Variants in GBF1 observed in about 807,000 individuals in gnomAD.
The protein encoded by GBF1 is golgi brefeldin A resistant guanine nucleotide exchange factor 1.
A neutral mutation model predicts 210.5 loss-of-function variants in GBF1; 114 were observed. That is an observed-to-expected ratio of 0.54 (90% confidence interval 0.47 to 0.63). The LOEUF is 0.63. GBF1 is among the 30% of genes least tolerant of loss of function. The pLI is 0.00. For missense variants in GBF1, 1,851 were observed against 2,357.7 expected, an observed-to-expected ratio of 0.79 and a Z score of 4.45; for synonymous variants, 850 against 889.2, an observed-to-expected ratio of 0.96 and a Z score of 0.78.
chr10:102,306,206 C>T (rs374486684), intron 3 of GBF1, among the ~76,000 whole-genome samples: 59 of 152,252 alleles, frequency 3.9e-4, no homozygotes, highest in African/African-American at 1.2e-3. Flanking sequence ...ACAAATGAGA[C>T]GGGAAATGAG....
Position 102,352,463 on chromosome 10 carries a change from T to C in GBF1, c.529T>C (p.Leu177=). The C allele has an allele frequency of 6.2e-7, 1 of 1,607,228 alleles. No individual in the cohort carries two copies. The highest frequency in any genetic ancestry group is 8.5e-7 in the Non-Finnish European group (1 of 1,173,644). ...ATTTGTTTTTGCCTGTGCAGAGTTA[T>C]TGAGAAAATCCGCAGAGCACACTCT... ...ICFEMRLSEL[L]RKSAEHTLVD... Residue 177 remains leucine, a synonymous_variant, in exon 7 of 40, where the codon TTG becomes CTG. Transcript: ENST00000369983.
chr10:102,278,249 A>G (rs2075168450), intron 3 of GBF1, among the ~76,000 whole-genome samples: 1 of 151,946 alleles, frequency 6.6e-6, no homozygotes, highest in African/African-American at 2.4e-5. Context: ...TTAAGAAAAC[A>G]AACAAAAAAA....
chr10:102,246,190 G>A (rs187747471), intron 1 of GBF1, among the ~76,000 whole-genome samples: 30 of 152,296 alleles, frequency 2.0e-4, no homozygotes, highest in African/African-American at 7.0e-4. Context: ...TCTAGATTCT[G>A]TACAGCGTCT....
At chr10:102,361,255 G>T (rs1370274318) in intron 13 of GBF1, 135 bp downstream of exon 13, 1 of 647,120 alleles carries the variant, frequency 1.5e-6, no homozygotes, top group Non-Finnish European at 2.8e-6. Flanking sequence ...TTAGCCTCCA[G>T]AGTTCGGTTC....
chr10:102,274,237 C>T (rs1240688566), intron 3 of GBF1, among the ~76,000 whole-genome samples: 1 of 152,076 alleles, frequency 6.6e-6, no homozygotes, highest in Non-Finnish European at 1.5e-5. Flanking sequence ...CACACGTGAC[C>T]TCAGGAAATT....
At chr10:102,359,026 G>C in intron 10 of GBF1, 1 of 589,794 alleles carries the variant, frequency 1.7e-6, no homozygotes, top group Non-Finnish European at 3.0e-6. Context: ...CTAAGCCTGT[G>C]AGAGGCTCTG....
chr10:102,285,175 C>T lies in GBF1; in HGVS notation c.163+25059C>T, dbSNP rs75450616. On this transcript the variant is annotated intron_variant, in intron 3 of 39. Coordinates refer to ENST00000369983, the MANE Select transcript of GBF1 (RefSeq NM_001377137.1). ...ATTTTACAGGTTGCCTAGACAGGGT[C>T]GAATTCTGACTTGCCAAAAGAAGAG... Among the ~76,000 whole-genome samples, 1,648 of 152,242 alleles carry T rather than the reference C, an allele frequency of 0.011. 48 individuals carry two copies. In the East Asian group the frequency reaches 0.12, roughly 11 times the overall value.
chr10:102,246,905 T>G (rs562862500), intron 1 of GBF1, among the ~76,000 whole-genome samples: 2 of 152,206 alleles, frequency 1.3e-5, no homozygotes, highest in Non-Finnish European at 2.9e-5. Flanking sequence ...TTGGGACTGC[T>G]CAGTTAATGC....
At position 102,377,131 on chromosome 10, in the gene GBF1, C is replaced by G. The variant is rs376409240; in HGVS notation, c.4485C>G (p.Val1495=). The stretch of plus-strand genomic sequence containing the variant: ...GCTACCATACGGTGTCTTTACAGGT[C>G]AGTCAGGACGTAAGTATGGCACCCT... ...PASYHTVSLQ[V]SQDLLDLMHT... is the part of the protein sequence containing the mutation. Residue 1495 remains valine (V), a synonymous_variant, in exon 33 of 40, where the codon GTC becomes GTG. Transcript: ENST00000369983. The G allele has an allele frequency of 9.3e-6, 15 of 1,612,936 alleles. No homozygotes were observed. The highest frequency in any genetic ancestry group is 1.3e-5 in the Non-Finnish European group (15 of 1,179,138).
chr10:102,376,804 G>GGTCAGCTGA lies in GBF1; in HGVS notation c.4288+5_4288+13dup. On this transcript the variant is annotated splice_donor_region_variant and intron_variant, in intron 32 of 39. Transcript: ENST00000369983. ...GTGGAGGCCAGTCTGAATGGCGGTGGGTCAGCTGATGAGGGGGCAGCTGGG... is the reference window on the plus strand; with the variant it reads ...GTGGAGGCCAGTCTGAATGGCGGTGGGTCAGCTGAGTCAGCTGATGAGGGGGCAGCTGGG... 1.2e-6 allele frequency: 2 copies of GGTCAGCTGA among 1,608,878 alleles called. No individual in the cohort carries two copies. The highest frequency in any genetic ancestry group is 1.7e-6 in the Non-Finnish European group (2 of 1,179,750).
At chr10:102,258,150 A>ATTTTTTTTTTTTTTTTTTTTTTTTTT (rs60505807) in intron 1 of GBF1, among the ~76,000 whole-genome samples, 1 of 96,932 alleles carries the variant, frequency 1.0e-5, no homozygotes. Flanking sequence ...AGTATTACAG[A>ATTTTTTTTTTTTTTTTTTTTTTTTTT]TTTTTTTTTT....
chr10:102,253,701 A>G (rs1017294274), intron 1 of GBF1, among the ~76,000 whole-genome samples: 1 of 152,010 alleles, frequency 6.6e-6, no homozygotes, highest in Non-Finnish European at 1.5e-5. Context: ...TTTTGTAGAG[A>G]TGGAGTTTTG....
Position 102,380,235 on chromosome 10 carries a change from C to CTGG in GBF1, c.4879-10_4879-8dup, listed in dbSNP as rs747632846. 132 of 1,572,030 alleles carry CTGG rather than the reference C, an allele frequency of 8.4e-5. No homozygotes were observed. In the African/African-American group the frequency reaches 1.7e-3, roughly 20 times the overall value. ...CTACAGTCCCCTCAGCTGAAGGGGG[C>CTGG]TGGTGGGCCATAGGTCTTCCTGCAG... On this transcript the variant is annotated splice_polypyrimidine_tract_variant and intron_variant, in intron 36 of 39. Transcript: ENST00000369983.
Position 102,381,238 on chromosome 10 carries a change from C to G in GBF1, c.5285C>G (p.Ser1762Cys). Residue 1762 changes from serine (S) to cysteine (C), a missense_variant, in exon 39 of 40, where the codon TCT becomes TGT. Transcript: ENST00000369983. ...CATCCACCGCCCCCAGAGATTCCAT[C>G]TGAGCTGGGGGCCTGTGGTGAGTCT... Reference protein sequence around the residue: ...PGHPPPPEIPSELGACDFEKP... With the variant: ...PGHPPPPEIPCELGACDFEKP... The G allele has an allele frequency of 6.2e-7, 1 of 1,613,860 alleles. No individual in the cohort carries two copies.
At chr10:102,270,417 G>A (rs2074292053) in intron 3 of GBF1, among the ~76,000 whole-genome samples, 2 of 152,116 alleles carry the variant, frequency 1.3e-5, no homozygotes, top group South Asian at 4.1e-4. Context: ...CAAAGTGCTG[G>A]GATTACAAGT....
chr10:102,355,848 C>A (rs1239170350), intron 8 of GBF1, among the ~76,000 whole-genome samples: 1 of 152,182 alleles, frequency 6.6e-6, no homozygotes, highest in Non-Finnish European at 1.5e-5. Context: ...ATCTCTTGGC[C>A]TCTTGCCCTT....
chr10:102,249,383 C>G, intron 1 of GBF1, among the ~76,000 whole-genome samples: 1 of 152,188 alleles, frequency 6.6e-6, no homozygotes, highest in East Asian at 1.9e-4. Flanking sequence ...AGTAGCTTAC[C>G]TTGTAAACGG....
intron 28 of GBF1, 24 bp from the exon 29 acceptor site, chr10:102,370,683 C>T (rs1329849986): frequency 6.2e-7 from 1 of 1,611,620 alleles, no homozygotes; most frequent in Admixed American, 1.7e-5. Flanking sequence ...CTGAGACTAT[C>T]TTCATTCCTT....
At chr10:102,310,983 G>T (rs1198885719) in intron 3 of GBF1, among the ~76,000 whole-genome samples, 1 of 152,194 alleles carries the variant, frequency 6.6e-6, no homozygotes, top group Non-Finnish European at 1.5e-5. Context: ...AGTGTGCAGG[G>T]TACTCTCCTT....
Sources: allele counts gnomAD v4.1 joint callset (sites outside exome capture counted in the v4.1 genomes callset), GRCh38; gene constraint gnomAD v4.1.1; transcripts MANE v1.5; gene names NCBI Gene and HGNC (gene_info 2026-07-23, HGNC 2026-07-21).